FAM76A: variants seen among roughly 807,000 people sequenced by gnomAD.
The protein encoded by FAM76A is protein FAM76A.
In FAM76A, 32 loss-of-function variants were observed where a neutral mutation model predicts 46.2. That is an observed-to-expected ratio of 0.69 (90% CI 0.52 to 0.93). The LOEUF (loss-of-function observed/expected upper bound fraction) is 0.93. Ranked by LOEUF, FAM76A falls within the 40% of genes least tolerant of loss-of-function variation. The probability of loss-of-function intolerance (pLI) is 0.00; values close to 1 mark genes in which losing one functional copy is unlikely to be tolerated. For missense variants in FAM76A, 274 were observed against 361.5 expected (o/e 0.76, Z 1.96); for synonymous variants, 137 against 127.0 (o/e 1.08, Z -0.53).
Position 27,743,361 on chromosome 1 carries a change from C to T in FAM76A, c.355-1293C>T, listed in dbSNP as rs1000265108. Among the ~76,000 whole-genome samples the T allele has an allele frequency of 3.3e-5, 5 of 152,154 alleles. No homozygotes were observed. In the East Asian group the frequency reaches 5.8e-4, roughly 18 times the overall value. Reference sequence around the variant, plus strand: ...TTGTAGGTGGGTTTTGCCACATTGCCCCGAGTAGTTTCGAACTCTTGGGCT... The same window carrying T: ...TTGTAGGTGGGTTTTGCCACATTGCTCCGAGTAGTTTCGAACTCTTGGGCT... On this transcript the variant is annotated intron_variant, in intron 4 of 8. Coordinates refer to ENST00000373954, the MANE Select transcript of FAM76A (RefSeq NM_152660.3).
chr1:27,743,767 G>GA (rs76187664), intron 4 of FAM76A, among the ~76,000 whole-genome samples: 277 of 139,802 alleles, frequency 2.0e-3, no homozygotes, highest in African/African-American at 2.0e-3. Context: ...CCTGTTTGGG[G>GA]AAAAAAAAAA....
intron 2 of FAM76A, among the ~76,000 whole-genome samples, chr1:27,728,334 C>T (rs1467018785): frequency 6.6e-6 from 1 of 152,022 alleles, no homozygotes; most frequent in Non-Finnish European, 1.5e-5. Flanking sequence ...ACTCACTTGC[C>T]ATTACACTTT....
intron 7 of FAM76A, among the ~76,000 whole-genome samples, chr1:27,759,145 A>T (rs767575052): frequency 1.7e-4 from 26 of 152,040 alleles, no homozygotes; most frequent in Non-Finnish European, 5.9e-5. Flanking sequence ...TCTGTATATG[A>T]TCTTGGCCAC....
chr1:27,758,579 G>A (rs1275898552), intron 7 of FAM76A, among the ~76,000 whole-genome samples: 1 of 151,698 alleles, frequency 6.6e-6, no homozygotes, highest in Non-Finnish European at 1.5e-5. Context: ...TCAGCTCACT[G>A]TAAACTCAAC....
intron 4 of FAM76A, among the ~76,000 whole-genome samples, chr1:27,735,506 C>T (rs2088029466): frequency 6.6e-6 from 1 of 152,280 alleles, no homozygotes; most frequent in South Asian, 2.1e-4. Flanking sequence ...TGCTTGGGCT[C>T]AAGGGCTGAC....
chr1:27,743,618 A>G (rs1356665242), intron 4 of FAM76A, among the ~76,000 whole-genome samples: 2 of 152,210 alleles, frequency 1.3e-5, no homozygotes, highest in Non-Finnish European at 2.9e-5. Flanking sequence ...TACAAAAATT[A>G]GCCACACATG....
chr1:27,729,393 G>T (rs1228971716), intron 2 of FAM76A, among the ~76,000 whole-genome samples: 3 of 151,526 alleles, frequency 2.0e-5, no homozygotes, highest in Non-Finnish European at 4.4e-5. Context: ...ATCTTTAGTA[G>T]AGACAGGGGT....
In FAM76A at chr1:27,744,734, C is replaced by T. The variant is rs756638402; in HGVS notation, c.435C>T (p.His145=). ...VLQKTKEQRK[H]LSSSSRAGHQ... ...AGAAGACCAAAGAGCAGAGGAAACA[C>T]CTGAGTAGCTCTTCTCGTGCTGGCC... is the stretch of plus-strand genomic sequence containing the variant. The change falls in exon 5 of 9, where the codon CAC becomes CAT. Residue 145 remains histidine (H), a synonymous_variant. Transcript: ENST00000373954. The T allele has an allele frequency of 1.2e-6, 2 of 1,614,158 alleles. No homozygotes were observed. The highest frequency in any genetic ancestry group is 1.7e-6 in the Non-Finnish European group (2 of 1,180,028).
rs566623016 is a variant in FAM76A, at chr1:27,742,649, G to T, written c.355-2005G>T. Among the ~76,000 whole-genome samples the T allele has an allele frequency of 6.6e-5, 10 of 152,290 alleles. No individual in the cohort carries two copies. In the South Asian group the frequency reaches 2.1e-3, roughly 32 times the overall value. On this transcript the variant is annotated intron_variant, in intron 4 of 8. Transcript: ENST00000373954. Reference sequence around the variant, plus strand: ...GATTTCAGTTACATAGGAGGAATAAGTTGAAGAGATCCATTGTACAACATG... The same window carrying T: ...GATTTCAGTTACATAGGAGGAATAATTTGAAGAGATCCATTGTACAACATG...
At chr1:27,759,427 C>A (rs939900303) in intron 7 of FAM76A, 99 bp from the exon 8 acceptor site, 2 of 711,456 alleles carry the variant, frequency 2.8e-6, no homozygotes, top group Non-Finnish European at 4.8e-6. Flanking sequence ...CAGGAGAGCC[C>A]TGGATTTCAT....
chr1:27,749,484 C>T lies in FAM76A; in HGVS notation c.599+330C>T, dbSNP rs140799941. 5.5e-3 allele frequency among the ~76,000 whole-genome samples: 835 copies of T among 152,304 alleles called. 12 individuals are homozygous for T. The highest frequency in any genetic ancestry group is 0.019 in the African/African-American group (791 of 41,562). The stretch of plus-strand genomic sequence containing the variant: ...CTGGGTTCGAGCAATTCTCATGCCT[C>T]AGTCTCCCAAGTAGTTGGAATTACA... On this transcript the variant is annotated intron_variant, in intron 6 of 8. Coordinates refer to ENST00000373954, the MANE Select transcript of FAM76A (RefSeq NM_152660.3).
chr1:27,739,486 A>T (rs1372401224), intron 4 of FAM76A: 3 of 403,722 alleles, frequency 7.4e-6, no homozygotes, highest in Non-Finnish European at 1.4e-5. Context: ...TTGTTCTAGT[A>T]TAAAAAAAAA....
intron 4 of FAM76A, chr1:27,739,502 T>C: frequency 2.7e-6 from 1 of 370,652 alleles, no homozygotes; most frequent in Non-Finnish European, 5.2e-6. Context: ...AAAAACTGCA[T>C]ATGGCAGGGT....
intron 4 of FAM76A, chr1:27,739,156 C>A: frequency 2.7e-6 from 1 of 369,534 alleles, no homozygotes; most frequent in Non-Finnish European, 5.3e-6. Flanking sequence ...AATGACAAGA[C>A]CATTTTCACC....
intron 4 of FAM76A, chr1:27,739,229 C>T (rs564978947): frequency 4.5e-5 from 22 of 491,952 alleles, no homozygotes; most frequent in South Asian, 3.1e-4. Flanking sequence ...GCATGCTGAA[C>T]CAGGGGCTGA....
chr1:27,732,709 C>G (rs1043521392), intron 3 of FAM76A, 52 bp downstream of exon 3: 11 of 1,426,984 alleles, frequency 7.7e-6, no homozygotes, highest in Non-Finnish European at 1.1e-5. Context: ...CTTGTGGAAC[C>G]TTACCTTCTG....
chr1:27,744,831 G>T lies in FAM76A; in HGVS notation c.512+20G>T. The T allele has an allele frequency of 6.2e-7, 1 of 1,610,438 alleles. No individual in the cohort carries two copies. Among genetic ancestry groups the T allele is most frequent in the Non-Finnish European group, 8.5e-7 (1 of 1,177,316 alleles). On this transcript the variant is annotated intron_variant, in intron 5 of 8. Coordinates refer to ENST00000373954, the MANE Select transcript of FAM76A (RefSeq NM_152660.3). The stretch of plus-strand genomic sequence containing the variant: ...TAACAGGTAACCTCAAGACACATGA[G>T]ATGGGACTAGAAGTGCTGGTAGGTC...
At chr1:27,754,140 C>T (rs1309315357) in intron 6 of FAM76A, among the ~76,000 whole-genome samples, 4 of 118,878 alleles carry the variant, frequency 3.4e-5, no homozygotes, top group African/African-American at 1.4e-4. Context: ...GAGTTTCGCT[C>T]TTGTTGCCCA....
intron 4 of FAM76A, among the ~76,000 whole-genome samples, chr1:27,734,511 C>T (rs1049610841): frequency 2.0e-5 from 3 of 152,164 alleles, no homozygotes; most frequent in African/African-American, 7.2e-5. Context: ...CATGCCACTG[C>T]ACTCCAGCCT....
Sources: gnomAD v4.1 joint callset for allele counts (sites outside exome capture counted in the v4.1 genomes callset) on GRCh38, gnomAD v4.1.1 for gene constraint, MANE v1.5 for transcripts, NCBI Gene and HGNC (gene_info 2026-07-23, HGNC 2026-07-21) for gene names.